LMAN1: variants seen among roughly 807,000 people sequenced by gnomAD.
The protein encoded by LMAN1 is protein ERGIC-53.
In LMAN1, 32 loss-of-function variants were observed where a neutral mutation model predicts 67.8. That is an observed-to-expected ratio of 0.47 (90% confidence interval 0.36 to 0.63). The LOEUF is 0.63. Ranked by LOEUF, LMAN1 falls within the 30% of genes least tolerant of loss-of-function variation. The probability of loss-of-function intolerance (pLI) is 0.00; values close to 1 mark genes in which losing one functional copy is unlikely to be tolerated. For missense variants in LMAN1, 632 were observed against 628.2 expected, an observed-to-expected ratio of 1.01 and a Z score of -0.06; for synonymous variants, 235 against 219.3, an observed-to-expected ratio of 1.07 and a Z score of -0.63.
At position 59,355,504 on chromosome 18, in the gene LMAN1, T is replaced by C. The variant is rs1221224540; in HGVS notation, c.369A>G (p.Leu123=). Residue 123 remains leucine, a splice_region_variant and synonymous_variant, in exon 2 of 13, where the codon CTA becomes CTG. Coordinates refer to ENST00000251047, the MANE Select transcript of LMAN1 (RefSeq NM_005570.4). ...TTCTAAGTTAAAGAAATGATCATAC[T>C]AGGCCATCAGCTCCAATTCGACCTC... is the stretch of plus-strand genomic sequence containing the variant. ...TGRGRIGADG[L]AIWYAENQGL... 3 of 1,613,970 alleles carry C rather than the reference T, an allele frequency of 1.9e-6. No homozygotes were observed. The highest frequency in any genetic ancestry group is 2.7e-5 in the African/African-American group (2 of 74,924).
chr18:59,333,779 T>C (rs543908911), intron 10 of LMAN1: 2 of 152,042 alleles, frequency 1.3e-5, no homozygotes, highest in Admixed American at 1.3e-4. Context: ...TATGGTTCAA[T>C]TTGGAGGAAT....
chr18:59,338,684 G>A, intron 9 of LMAN1, 57 bp from the exon 10 acceptor site: 2 of 1,601,808 alleles, frequency 1.2e-6, no homozygotes, highest in Non-Finnish European at 1.7e-6. Flanking sequence ...TGAGCACATA[G>A]TACAGTTGCC....
chr18:59,351,272 AG>A (rs1908537635), intron 5 of LMAN1: 1 of 152,228 alleles, frequency 6.6e-6, no homozygotes, highest in Admixed American at 6.5e-5. Context: ...AATAAGCATT[AG>A]AGAAAAAAAA....
chr18:59,341,030 T>C (rs1908275445), intron 8 of LMAN1, among the ~76,000 whole-genome samples: 1 of 152,008 alleles, frequency 6.6e-6, no homozygotes. Context: ...TGGAAAATAA[T>C]AGTCCAAGCA....
At chr18:59,333,423 A>T (rs2144209519) in intron 10 of LMAN1, 179 bp from the exon 11 acceptor site, 2 of 571,856 alleles carry the variant, frequency 3.5e-6, no homozygotes, top group Admixed American at 3.3e-5. Context: ...TTATAAAACG[A>T]CATTATGCCT....
At chr18:59,357,842 A>T (rs1390416936) in intron 1 of LMAN1, among the ~76,000 whole-genome samples, 1 of 151,996 alleles carries the variant, frequency 6.6e-6, no homozygotes, top group Non-Finnish European at 1.5e-5. Flanking sequence ...GGTGGGAGGG[A>T]TAGCATTAGG....
At chr18:59,339,020 G>C (rs945793573) in intron 8 of LMAN1, 67 bp from the exon 9 acceptor site, 4 of 1,396,402 alleles carry the variant, frequency 2.9e-6, no homozygotes, top group Non-Finnish European at 4.0e-6. Context: ...AATAACGTAA[G>C]TGACCAAAGT....
At chr18:59,339,031 G>T in intron 8 of LMAN1, 78 bp from the exon 9 acceptor site, 2 of 1,282,282 alleles carry the variant, frequency 1.6e-6, no homozygotes, top group Non-Finnish European at 2.2e-6. Context: ...TGACCAAAGT[G>T]CCAACATTCA....
rs906426861 is a variant in LMAN1 at position 59,330,392 on chromosome 18, A to G, written c.*701T>C. On this transcript the variant is annotated 3_prime_UTR_variant, in exon 13 of 13. Transcript: ENST00000251047. ...GGCAATCATGAATGAATACATTACC[A>G]GGCAAAATACCTATAAAAGCCATTC... The G allele has an allele frequency of 3.9e-5, 6 of 152,564 alleles. No homozygotes were observed. Among genetic ancestry groups the G allele is most frequent in the African/African-American group, 1.2e-4 (5 of 41,460 alleles). 9.5% of individuals were successfully genotyped at this position (152,564 alleles called of 1,614,324 possible). A position where few individuals can be genotyped will look rare whatever the true frequency, so the allele number is the denominator to read the frequency against.
Position 59,347,516 on chromosome 18 carries a change from C to T in LMAN1, c.819G>A (p.Glu273=). 1 of 1,608,434 alleles carries T rather than the reference C, an allele frequency of 6.2e-7. No individual in the cohort carries two copies. Among genetic ancestry groups the T allele is most frequent in the East Asian group, 2.2e-5 (1 of 44,772 alleles). The change falls in exon 7 of 13, where the codon GAG becomes GAA. Residue 273 remains glutamate, a synonymous_variant. Coordinates refer to ENST00000251047, the MANE Select transcript of LMAN1 (RefSeq NM_005570.4). The part of the protein sequence containing the change: ...LTFQLTEPGK[E]PPTPDKEISE... ...TTGAAAATATGTGTAAAATTACCGG[C>T]TCTTTTCCAGGTTCAGTCAACTGGA...
rs536296738 is a variant in LMAN1, at chr18:59,333,567, T to C, written c.1221-323A>G. ...TTAATGAAGTTATAATAAATCTTTC[T>C]AGGTGTTCAGCTGTACAGTAAAGGA... On this transcript the variant is annotated intron_variant, in intron 10 of 12. Transcript: ENST00000251047. 28 of 290,532 alleles carry C rather than the reference T, an allele frequency of 9.6e-5. 1 individual carries two copies. Among genetic ancestry groups the C allele is most frequent in the South Asian group, 9.3e-4 (27 of 29,148 alleles). The allele number at this position is 290,532 out of a possible 1,614,324, so 18.0% of individuals were successfully genotyped here.
intron 1 of LMAN1, among the ~76,000 whole-genome samples, chr18:59,358,512 G>A (rs1472919634): frequency 6.6e-6 from 1 of 151,936 alleles, no homozygotes; most frequent in Non-Finnish European, 1.5e-5. Context: ...CTCAGGAGCC[G>A]TCAGTGGGCA....
Position 59,357,762 on chromosome 18 carries a change from T to C in LMAN1, c.214+1269A>G, listed in dbSNP as rs559076069. On this transcript the variant is annotated intron_variant, in intron 1 of 12. Coordinates refer to ENST00000251047, the MANE Select transcript of LMAN1 (RefSeq NM_005570.4). Reference sequence around the variant, plus strand: ...GTAATTACTTTCTAGAAATGAAACATTTTGTTTCAAGAACTGGATAATCTA... The same window carrying C: ...GTAATTACTTTCTAGAAATGAAACACTTTGTTTCAAGAACTGGATAATCTA... Among the ~76,000 whole-genome samples the C allele has an allele frequency of 2.3e-4, 35 of 152,248 alleles. No homozygotes were observed. In the South Asian group the frequency reaches 6.4e-3, roughly 28 times the overall value.
Position 59,333,138 on chromosome 18 carries a change from G to C in LMAN1, c.1327C>G (p.Leu443Val), listed in dbSNP as rs1377337963. 1 of 1,613,694 alleles carries C rather than the reference G, an allele frequency of 6.2e-7. No homozygotes were observed. ...TQHFIDIKEH[L>V]HIVKRDIDNL... ...TCTATGTCCCTCTTTACTATGTGCAGGTGCTCTTTGATGTCAATGAAGTGC... is the reference window on the plus strand; with the variant it reads ...TCTATGTCCCTCTTTACTATGTGCACGTGCTCTTTGATGTCAATGAAGTGC... The change falls in exon 11 of 13, where the codon CTG (leucine) becomes GTG (valine). Residue 443 changes from leucine (L) to valine (V), a missense_variant. Physicochemically the swap from Leu to Val is conservative, Grantham distance 32 (BLOSUM62 1). Coordinates refer to ENST00000251047, the MANE Select transcript of LMAN1 (RefSeq NM_005570.4).
intron 1 of LMAN1, among the ~76,000 whole-genome samples, chr18:59,356,443 T>C (rs1208844774): frequency 6.6e-6 from 1 of 152,208 alleles, no homozygotes; most frequent in Non-Finnish European, 1.5e-5. Flanking sequence ...CAATAAATGT[T>C]AGCTATTTCT....
rs948328791 is a variant in LMAN1, at chr18:59,359,235, A to T, written c.10T>A (p.Ser4Thr). The change falls in exon 1 of 13, where the codon TCC becomes ACC. Residue 4 changes from serine (S) to threonine (T), a missense_variant. Coordinates refer to ENST00000251047, the MANE Select transcript of LMAN1 (RefSeq NM_005570.4). MAG[S>T]RQRGLRARVR... ...CTGGCCCGGAGACCCCTTTGCCTGGATCCCGCCATCTTGGATTCTGGAACG... is the reference window on the plus strand; with the variant it reads ...CTGGCCCGGAGACCCCTTTGCCTGGTTCCCGCCATCTTGGATTCTGGAACG... The T allele has an allele frequency of 1.2e-6, 2 of 1,613,688 alleles. No homozygotes were observed. Among genetic ancestry groups the T allele is most frequent in the Non-Finnish European group, 1.7e-6 (2 of 1,179,732 alleles).
intron 1 of LMAN1, among the ~76,000 whole-genome samples, chr18:59,357,422 G>C (rs1471986112): frequency 6.6e-6 from 1 of 152,142 alleles, no homozygotes; most frequent in African/African-American, 2.4e-5. Flanking sequence ...GTGTAGAAGT[G>C]AAAATGTGTG....
chr18:59,345,856 G>T, intron 8 of LMAN1, 63 bp downstream of exon 8: 6 of 1,593,596 alleles, frequency 3.8e-6, no homozygotes, highest in Non-Finnish European at 5.2e-6. Flanking sequence ...AGAGACTCAA[G>T]CGTCCATGAT....
chr18:59,343,847 C>A (rs909856067), intron 8 of LMAN1, among the ~76,000 whole-genome samples: 1 of 151,712 alleles, frequency 6.6e-6, no homozygotes, highest in South Asian at 2.1e-4. Context: ...ACAATCAACA[C>A]AATAATCTAA....
Sources: allele counts gnomAD v4.1 joint callset (sites outside exome capture counted in the v4.1 genomes callset), GRCh38; gene constraint gnomAD v4.1.1; transcripts MANE v1.5; gene names NCBI Gene and HGNC (gene_info 2026-07-23, HGNC 2026-07-21).